The following SMCHD1 variants were observed in gnomAD, a reference collection of about 807,000 sequenced individuals.
The protein encoded by SMCHD1 is structural maintenance of chromosomes flexible hinge domain-containing protein 1.
In SMCHD1, 78 loss-of-function variants were observed where a neutral mutation model predicts 254.7. The observed-to-expected ratio is 0.31, with a 90% CI of 0.26 to 0.37. The LOEUF (loss-of-function observed/expected upper bound fraction) is 0.37. Ranked by LOEUF, SMCHD1 falls within the 10% of genes least tolerant of loss-of-function variation. The pLI, the probability that SMCHD1 is intolerant of heterozygous loss-of-function variation, is 1.00. For synonymous variants in SMCHD1, 766 were observed against 794.9 expected, an observed-to-expected ratio of 0.96 and a Z score of 0.61; for missense variants, 1,840 against 2,408.1, an observed-to-expected ratio of 0.76 and a Z score of 4.94.
chr18:2,672,924 A>C (rs1299241559), intron 3 of SMCHD1, among the ~76,000 whole-genome samples: 1 of 152,138 alleles, frequency 6.6e-6, no homozygotes, highest in Non-Finnish European at 1.5e-5. Flanking sequence ...CTTACTTTGG[A>C]CTTGTGCTTG....
At chr18:2,716,753 G>A (rs985285038) in intron 17 of SMCHD1, among the ~76,000 whole-genome samples, 3 of 152,322 alleles carry the variant, frequency 2.0e-5, no homozygotes, top group East Asian at 3.9e-4. Context: ...AGTGGGACCC[G>A]GTTCTCTACA....
At chr18:2,782,424 A>G (rs35123810) in intron 44 of SMCHD1, among the ~76,000 whole-genome samples, 5,235 of 152,228 alleles carry the variant, frequency 0.034, 147 homozygotes, top group Non-Finnish European at 0.055. Context: ...TAGAAAATCT[A>G]TACATTTTAG....
chr18:2,774,262 AT>A (rs1395639095), intron 41 of SMCHD1, among the ~76,000 whole-genome samples: 2 of 151,988 alleles, frequency 1.3e-5, no homozygotes, highest in African/African-American at 2.4e-5. Context: ...CTTACATTTC[AT>A]TTGCCTCTAC....
At chr18:2,767,383 A>G (rs1403062682) in intron 37 of SMCHD1, among the ~76,000 whole-genome samples, 1 of 149,808 alleles carries the variant, frequency 6.7e-6, no homozygotes, top group Non-Finnish European at 1.5e-5. Flanking sequence ...TCTGTAGTAG[A>G]AAAAAAAAGT....
At chr18:2,762,032 T>G in intron 35 of SMCHD1, 73 bp from the exon 36 acceptor site, 1 of 1,263,772 alleles carries the variant, frequency 7.9e-7, no homozygotes, top group Non-Finnish European at 1.1e-6. Context: ...GTGCCATTGT[T>G]ATGTCTTCCC....
At chr18:2,777,221 CCT>C (rs1235100123) in intron 42 of SMCHD1, among the ~76,000 whole-genome samples, 1 of 152,174 alleles carries the variant, frequency 6.6e-6, no homozygotes, top group Non-Finnish European at 1.5e-5. Flanking sequence ...AACGAGTTAT[CCT>C]CTCTGTTTCT....
intron 1 of SMCHD1, among the ~76,000 whole-genome samples, chr18:2,656,500 G>A (rs1162900690): frequency 1.3e-5 from 2 of 152,232 alleles, no homozygotes; most frequent in African/African-American, 2.4e-5. Flanking sequence ...CTCTGCCTCC[G>A]CTCCTTTTAC....
chr18:2,719,677 ATT>A (rs59838462), intron 19 of SMCHD1, among the ~76,000 whole-genome samples: 1 of 144,800 alleles, frequency 6.9e-6, no homozygotes, highest in Non-Finnish European at 1.5e-5. Flanking sequence ...ACTGCACCTA[ATT>A]TTTTTTTTTT....
chr18:2,691,113 A>G (rs2074169625), intron 7 of SMCHD1, among the ~76,000 whole-genome samples: 1 of 151,910 alleles, frequency 6.6e-6, no homozygotes, highest in Non-Finnish European at 1.5e-5. Flanking sequence ...CAAATTGCAT[A>G]TTTTGATATT....
chr18:2,708,905 T>TAA lies in SMCHD1; in HGVS notation c.2260+986_2260+987insAA, dbSNP rs1444747093. Among the ~76,000 whole-genome samples the TAA allele has an allele frequency of 2.3e-3, 91 of 39,772 alleles. 14 individuals carry two copies. The highest frequency in any genetic ancestry group is 8.1e-3 in the African/African-American group (83 of 10,248). The allele number at this position is 39,772 out of a possible 152,430, so 26.1% of individuals were successfully genotyped here. A position where few individuals can be genotyped will look rare whatever the true frequency, so the allele number is the denominator to read the frequency against. On this transcript the variant is annotated intron_variant, in intron 17 of 47. Coordinates refer to ENST00000320876, the MANE Select transcript of SMCHD1 (RefSeq NM_015295.3). ...ATATATATATATATATATATATATA[T>TAA]ATAACATATTAACATGAAATTTATG...
intron 34 of SMCHD1, among the ~76,000 whole-genome samples, chr18:2,753,451 G>C (rs1241561891): frequency 6.6e-6 from 1 of 152,118 alleles, no homozygotes; most frequent in South Asian, 2.1e-4. Context: ...TAAAATTGCT[G>C]GGTCATAAGT....
At chr18:2,740,955 A>C (rs141414071) in intron 28 of SMCHD1, 134 bp downstream of exon 28, 1 of 557,502 alleles carries the variant, frequency 1.8e-6, no homozygotes, top group Non-Finnish European at 3.2e-6. Context: ...AAGGCATTTT[A>C]AAAACTTGAA....
Position 2,748,342 on chromosome 18 carries a change from T to G in SMCHD1, c.3927+695T>G, listed in dbSNP as rs796466456. Among the ~76,000 whole-genome samples the G allele has an allele frequency of 1.7e-3, 131 of 78,426 alleles. 1 individual carries two copies. Among genetic ancestry groups the G allele is most frequent in the Non-Finnish European group, 2.4e-3 (97 of 40,674 alleles). 51.5% of individuals were successfully genotyped at this position (78,426 alleles called of 152,430 possible). ...GGAAAAGCTGCTAGTCTTTGCAAAG[T>G]TGTGTGTGTGTGTGTGTGTGTGTGT... On this transcript the variant is annotated intron_variant, in intron 30 of 47. Coordinates refer to ENST00000320876, the MANE Select transcript of SMCHD1 (RefSeq NM_015295.3).
At chr18:2,681,638 C>G (rs1238776205) in intron 5 of SMCHD1, among the ~76,000 whole-genome samples, 1 of 148,602 alleles carries the variant, frequency 6.7e-6, no homozygotes, top group Non-Finnish European at 1.5e-5. Context: ...CTAGAAAATT[C>G]TCTCATAACT....
intron 5 of SMCHD1, among the ~76,000 whole-genome samples, chr18:2,681,551 C>T (rs2073926633): frequency 6.9e-6 from 1 of 144,188 alleles, no homozygotes; most frequent in Non-Finnish European, 1.5e-5. Context: ...CGCCACTGCA[C>T]TCCAGCCTGG....
intron 25 of SMCHD1, among the ~76,000 whole-genome samples, chr18:2,733,901 G>A (rs2075195862): frequency 6.6e-6 from 1 of 152,144 alleles, no homozygotes; most frequent in Admixed American, 6.5e-5. Flanking sequence ...CATGTCTGGA[G>A]AGCTGACATT....
Position 2,751,330 on chromosome 18 carries a change from T to C in SMCHD1, c.4218T>C (p.Asn1406=). The C allele has an allele frequency of 6.3e-7, 1 of 1,581,502 alleles. No individual in the cohort carries two copies. Among genetic ancestry groups the C allele is most frequent in the Non-Finnish European group, 8.6e-7 (1 of 1,169,452 alleles). Residue 1406 remains asparagine, a synonymous_variant, in exon 33 of 48, where the codon AAT becomes AAC. Coordinates refer to ENST00000320876, the MANE Select transcript of SMCHD1 (RefSeq NM_015295.3). ...ATGACAGTATCATTAAAAACATTAA[T>C]CCAGCACGTATTTCCATGAAAATGT... ...SEDDSIIKNI[N]PARISMKMWK...
chr18:2,744,272 CTTTG>C (rs1286865059), intron 29 of SMCHD1, among the ~76,000 whole-genome samples: 3 of 152,086 alleles, frequency 2.0e-5, no homozygotes, highest in Non-Finnish European at 4.4e-5. Flanking sequence ...CAATTTTGTT[CTTTG>C]TTTTCTTATA....
intron 12 of SMCHD1, 26 bp downstream of exon 12, chr18:2,700,944 G>T (rs756785973): frequency 6.9e-7 from 1 of 1,458,778 alleles, no homozygotes; most frequent in South Asian, 1.3e-5. Context: ...ATAAAGTTGT[G>T]AATATTTGCA....
Sources: gnomAD v4.1 joint callset for allele counts (sites outside exome capture counted in the v4.1 genomes callset) on GRCh38, gnomAD v4.1.1 for gene constraint, MANE v1.5 for transcripts, NCBI Gene and HGNC (gene_info 2026-07-23, HGNC 2026-07-21) for gene names.